The following CCSER1 variants were observed in gnomAD, a reference collection of about 807,000 sequenced individuals.
CCSER1 encodes coiled-coil serine rich protein 1, also known as serine-rich coiled-coil domain-containing protein 1.
In CCSER1, 41 loss-of-function variants were observed where a neutral mutation model predicts 82.0. The observed-to-expected ratio is 0.50, with a 90% confidence interval of 0.39 to 0.65. The LOEUF (loss-of-function observed/expected upper bound fraction) is 0.65, where lower values mean the gene tolerates loss of function less well. CCSER1 is among the 30% of genes least tolerant of loss of function. The pLI, the probability that CCSER1 is intolerant of heterozygous loss-of-function variation, is 0.00. For missense variants in CCSER1, 1,119 were observed against 1,064.2 expected (o/e 1.05, Z -0.72); for synonymous variants, 414 against 383.9 (o/e 1.08, Z -0.92).
intron 5 of CCSER1, among the ~76,000 whole-genome samples, chr4:90,530,057 C>T (rs1283298895): frequency 6.6e-6 from 1 of 151,756 alleles, no homozygotes; most frequent in African/African-American, 2.4e-5. Flanking sequence ...ATTAAAAGCA[C>T]AAATGAACTA....
intron 10 of CCSER1, among the ~76,000 whole-genome samples, chr4:91,397,543 T>C (rs759175248): frequency 2.6e-5 from 4 of 152,054 alleles, no homozygotes; most frequent in Non-Finnish European, 5.9e-5. Flanking sequence ...TATATACTTA[T>C]TTGTCTAGTT....
chr4:90,541,584 C>G (rs761278587), intron 5 of CCSER1, among the ~76,000 whole-genome samples: 10 of 152,066 alleles, frequency 6.6e-5, no homozygotes, highest in Non-Finnish European at 1.2e-4. Context: ...TACCACTATA[C>G]CACACACAGG....
At chr4:90,300,679 C>T (rs78169968) in intron 1 of CCSER1, among the ~76,000 whole-genome samples, 4,827 of 152,120 alleles carry the variant, frequency 0.032, 201 homozygotes, top group African/African-American at 0.096. Context: ...AGAAGAAAAG[C>T]GAAGGCAATT....
chr4:90,823,474 T>C (rs1451844401), intron 8 of CCSER1, among the ~76,000 whole-genome samples: 3 of 152,120 alleles, frequency 2.0e-5, no homozygotes, highest in African/African-American at 7.2e-5. Flanking sequence ...AAATTTGAGG[T>C]GCTACTTATT....
At chr4:91,471,253 A>C (rs1560697897) in intron 10 of CCSER1, among the ~76,000 whole-genome samples, 1 of 152,200 alleles carries the variant, frequency 6.6e-6, no homozygotes, top group Non-Finnish European at 1.5e-5. Flanking sequence ...TTGAATTTGA[A>C]GGATAAGAAC....
intron 10 of CCSER1, among the ~76,000 whole-genome samples, chr4:91,545,657 T>A (rs1761850106): frequency 1.3e-5 from 2 of 152,144 alleles, no homozygotes; most frequent in African/African-American, 4.8e-5. Flanking sequence ...TTGCTATCTT[T>A]ACATATTAGA....
chr4:91,589,989 C>T (rs1400579618), intron 10 of CCSER1, among the ~76,000 whole-genome samples: 1 of 151,982 alleles, frequency 6.6e-6, no homozygotes, highest in African/African-American at 2.4e-5. Context: ...AGTTCATTTA[C>T]TCTAATTATA....
chr4:90,627,231 G>C (rs775152963), intron 5 of CCSER1, among the ~76,000 whole-genome samples: 5 of 152,064 alleles, frequency 3.3e-5, no homozygotes, highest in Non-Finnish European at 7.4e-5. Flanking sequence ...TAATTATCTA[G>C]TAATTTATAA....
chr4:91,306,660 A>G (rs1528567), intron 10 of CCSER1, among the ~76,000 whole-genome samples: 113,207 of 151,836 alleles, frequency 0.75, 42,340 homozygotes, highest in Middle Eastern at 0.8. Flanking sequence ...AAAAATCAAG[A>G]TGATTGTCTA....
chr4:90,494,133 G>A (rs1314420758), intron 5 of CCSER1, among the ~76,000 whole-genome samples: 3 of 152,162 alleles, frequency 2.0e-5, no homozygotes, highest in African/African-American at 7.2e-5. Context: ...GGATAAAACA[G>A]ACTTTAAACC....
chr4:91,418,827 T>A (rs1418810132), intron 10 of CCSER1, among the ~76,000 whole-genome samples: 2 of 151,948 alleles, frequency 1.3e-5, no homozygotes, highest in African/African-American at 4.8e-5. Context: ...CTGATAAACG[T>A]ATATGCAAAA....
intron 4 of CCSER1, among the ~76,000 whole-genome samples, chr4:90,410,147 T>G (rs934850161): frequency 6.6e-6 from 1 of 152,136 alleles, no homozygotes; most frequent in Non-Finnish European, 1.5e-5. Context: ...CTTAGTGACC[T>G]ACAAAGAGAC....
chr4:91,287,116 A>G (rs909649593), intron 10 of CCSER1, among the ~76,000 whole-genome samples: 4 of 151,938 alleles, frequency 2.6e-5, no homozygotes, highest in African/African-American at 9.7e-5. Context: ...CCTTAAAAAC[A>G]TACCTACCCT....
At chr4:90,564,954 T>C (rs1779194868) in intron 5 of CCSER1, among the ~76,000 whole-genome samples, 1 of 152,138 alleles carries the variant, frequency 6.6e-6, no homozygotes, top group Non-Finnish European at 1.5e-5. Flanking sequence ...AGCCAGGTAG[T>C]ATAATGTCTC....
intron 6 of CCSER1, among the ~76,000 whole-genome samples, chr4:90,651,391 G>C (rs1728712722): frequency 6.6e-6 from 1 of 152,126 alleles, no homozygotes. Flanking sequence ...CTTTGCCAGG[G>C]ATATGGATGA....
At chr4:91,268,991 A>G (rs894988650) in intron 10 of CCSER1, among the ~76,000 whole-genome samples, 1 of 152,198 alleles carries the variant, frequency 6.6e-6, no homozygotes, top group Admixed American at 6.5e-5. Context: ...AAATGCTAAC[A>G]ATAAAATTCA....
intron 10 of CCSER1, among the ~76,000 whole-genome samples, chr4:91,553,605 A>G (rs1478974262): frequency 1.3e-5 from 2 of 150,682 alleles, no homozygotes; most frequent in Non-Finnish European, 1.5e-5. Flanking sequence ...CTTACTTATT[A>G]TTAGCTTTTT....
intron 10 of CCSER1, among the ~76,000 whole-genome samples, chr4:91,235,184 T>C (rs764725343): frequency 1.3e-5 from 2 of 152,128 alleles, no homozygotes; most frequent in African/African-American, 2.4e-5. Flanking sequence ...TCCTAAAATC[T>C]AGGTTAACAT....
At chr4:91,447,239 G>A (rs536166440) in intron 10 of CCSER1, among the ~76,000 whole-genome samples, 27 of 152,250 alleles carry the variant, frequency 1.8e-4, no homozygotes, top group African/African-American at 6.3e-4. Context: ...TCTGCTTCGT[G>A]TCATAGAACA....
Sources: gnomAD v4.1 joint callset for allele counts (sites outside exome capture counted in the v4.1 genomes callset) on GRCh38, gnomAD v4.1.1 for gene constraint, MANE v1.5 for transcripts, NCBI Gene and HGNC (gene_info 2026-07-23, HGNC 2026-07-21) for gene names.